Variants in ZFAND5 observed in about 807,000 individuals in gnomAD.
ZFAND5 encodes zinc finger AN1-type containing 5.
ZFAND5 carries 4 observed loss-of-function variants against 23.6 expected under a neutral mutation model. That is an observed-to-expected ratio of 0.17 (90% CI 0.08 to 0.39). The LOEUF is 0.39. ZFAND5 is among the 10% of genes least tolerant of loss of function. The pLI, the probability that ZFAND5 is intolerant of heterozygous loss-of-function variation, is 1.00. For synonymous variants in ZFAND5, 68 were observed against 80.6 expected (o/e 0.84, Z 0.84); for missense variants, 161 against 253.7 (o/e 0.63, Z 2.48).
intron 4 of ZFAND5, 93 bp downstream of exon 4, chr9:72,360,017 C>A (rs1340896545): frequency 1.9e-6 from 2 of 1,069,144 alleles, no homozygotes; most frequent in East Asian, 4.9e-5. Context: ...GATTGCAAAG[C>A]CAAGGGTATC....
intron 5 of ZFAND5, among the ~76,000 whole-genome samples, chr9:72,359,060 A>G (rs538074189): frequency 4.0e-4 from 61 of 152,302 alleles, no homozygotes; most frequent in Middle Eastern, 3.4e-3. Context: ...TTTCCACAAC[A>G]TTGACAATAT....
chr9:72,363,646 T>TA (rs1397677932), intron 1 of ZFAND5, 40 bp from the exon 2 acceptor site: 1 of 984,016 alleles, frequency 1.0e-6, no homozygotes, highest in East Asian at 1.1e-4. Context: ...AAAGAATCCT[T>TA]AATTTTTTAG....
intron 2 of ZFAND5, 25 bp downstream of exon 2, chr9:72,363,445 T>A (rs1160838812): frequency 1.3e-5 from 2 of 159,688 alleles, no homozygotes; most frequent in African/African-American, 4.8e-5. Context: ...CATGATGTGA[T>A]GAGATGGCAT....
intron 5 of ZFAND5, among the ~76,000 whole-genome samples, chr9:72,359,194 G>A (rs1349964294): frequency 6.6e-6 from 1 of 152,158 alleles, no homozygotes; most frequent in African/African-American, 2.4e-5. Context: ...CACAAGGGTA[G>A]TGCAGGGGAT....
chr9:72,356,367 C>T (rs991006515), intron 6 of ZFAND5, among the ~76,000 whole-genome samples: 6 of 152,272 alleles, frequency 3.9e-5, no homozygotes, highest in East Asian at 1.9e-4. Flanking sequence ...AGGGCAATAG[C>T]GAAGTGTTTG....
Position 72,353,342 on chromosome 9 carries a change from TTAA to T in ZFAND5, c.*2608_*2610del, listed in dbSNP as rs1347642852. On this transcript the variant is annotated 3_prime_UTR_variant, in exon 7 of 7. Coordinates refer to ENST00000376962, the MANE Select transcript of ZFAND5 (RefSeq NM_001102420.3). The stretch of plus-strand genomic sequence containing the variant: ...TGACAAATCTTTGTTCTGATCTGGT[TTAA>T]TGTTTCTTGTAAAACAAACAAACAA... 1 of 152,088 alleles carries T rather than the reference TTAA, an allele frequency of 6.6e-6. No homozygotes were observed. Among genetic ancestry groups the T allele is most frequent in the South Asian group, 2.1e-4 (1 of 4,820 alleles). 9.4% of individuals were successfully genotyped at this position (152,088 alleles called of 1,614,324 possible). A position where few individuals can be genotyped will look rare whatever the true frequency, so the allele number is the denominator to read the frequency against.
Position 72,355,313 on chromosome 9 carries a change from T to C in ZFAND5, c.*640A>G, listed in dbSNP as rs1841912783. On this transcript the variant is annotated 3_prime_UTR_variant, in exon 7 of 7. Transcript: ENST00000376962. ...AAAGGTTATCTCAAGACCCTGTTGTTGGCTTGATGGTTTTACTTATAACCA... is the reference window on the plus strand; with the variant it reads ...AAAGGTTATCTCAAGACCCTGTTGTCGGCTTGATGGTTTTACTTATAACCA... 6.5e-6 allele frequency: 1 copy of C among 152,680 alleles called. No homozygotes were observed. Among genetic ancestry groups the C allele is most frequent in the South Asian group, 2.1e-4 (1 of 4,830 alleles). The allele number at this position is 152,680 out of a possible 1,614,324, so 9.5% of individuals were successfully genotyped here.
chr9:72,360,820 T>C, intron 2 of ZFAND5, 33 bp from the exon 3 acceptor site: 1 of 1,563,572 alleles, frequency 6.4e-7, no homozygotes, highest in Non-Finnish European at 8.7e-7. Flanking sequence ...GAAATTAGTG[T>C]TATCACCAAA....
rs745962932 is a variant in ZFAND5 at position 72,360,790 on chromosome 9, A to G, written c.-9-3T>C. 3.1e-6 allele frequency: 5 copies of G among 1,587,584 alleles called. No homozygotes were observed. Among genetic ancestry groups the G allele is most frequent in the South Asian group, 1.1e-5 (1 of 88,150 alleles). ...GTCTCCTGAGCCATATTTTTCTGCT[A>G]TAGATGAAACGAAATTTCAGAAATT... is the stretch of plus-strand genomic sequence containing the variant. On this transcript the variant is annotated splice_polypyrimidine_tract_variant and splice_region_variant and intron_variant, in intron 2 of 6. Coordinates refer to ENST00000376962, the MANE Select transcript of ZFAND5 (RefSeq NM_001102420.3).
chr9:72,359,671 C>G, intron 4 of ZFAND5, 150 bp from the exon 5 acceptor site: 7 of 740,278 alleles, frequency 9.5e-6, no homozygotes, highest in Non-Finnish European at 1.4e-5. Context: ...AAATTGGATG[C>G]CCAGCACAAA....
chr9:72,364,101 T>C (rs1175166375), intron 1 of ZFAND5: 3 of 151,680 alleles, frequency 2.0e-5, no homozygotes, highest in Admixed American at 6.6e-5. Context: ...CATGTTCCAA[T>C]GGATTTTGGA....
intron 3 of ZFAND5, 53 bp downstream of exon 3, chr9:72,360,575 G>A (rs1842069961): frequency 6.2e-7 from 1 of 1,608,046 alleles, no homozygotes. Context: ...TCTTGGTTCT[G>A]TATTTCTGTC....
At chr9:72,359,270 C>A in intron 5 of ZFAND5, 148 bp downstream of exon 5, 1 of 669,052 alleles carries the variant, frequency 1.5e-6, no homozygotes, top group Non-Finnish European at 2.5e-6. Context: ...ACTCAAGATA[C>A]TTTTAAAGAT....
At position 72,353,388 on chromosome 9, in the gene ZFAND5, C is replaced by A. The variant is rs1422537505; in HGVS notation, c.*2565G>T. ...ACAAACAAAAAAAAAACAAAAAAAA[C>A]TGATTGGCCGGGTGCGGTGCCTCAC... On this transcript the variant is annotated 3_prime_UTR_variant, in exon 7 of 7. Coordinates refer to ENST00000376962, the MANE Select transcript of ZFAND5 (RefSeq NM_001102420.3). 4 of 151,970 alleles carry A rather than the reference C, an allele frequency of 2.6e-5. No homozygotes were observed. Among genetic ancestry groups the A allele is most frequent in the African/African-American group, 4.8e-5 (2 of 41,374 alleles). 9.4% of individuals were successfully genotyped at this position (151,970 alleles called of 1,614,324 possible). A position where few individuals can be genotyped will look rare whatever the true frequency, so the allele number is the denominator to read the frequency against.
rs1342280918 is a variant in ZFAND5, at chr9:72,354,596, T to C, written c.*1357A>G. ...TAACTCAGAACTAAGGTACATAAAA[T>C]TGAAAGCAAAACTGAATGCTTTAAG... On this transcript the variant is annotated 3_prime_UTR_variant, in exon 7 of 7. Transcript: ENST00000376962. 2.0e-5 allele frequency: 3 copies of C among 152,608 alleles called. No individual in the cohort carries two copies. Among genetic ancestry groups the C allele is most frequent in the Non-Finnish European group, 4.4e-5 (3 of 68,032 alleles). 9.5% of individuals were successfully genotyped at this position (152,608 alleles called of 1,614,324 possible).
intron 6 of ZFAND5, among the ~76,000 whole-genome samples, chr9:72,356,679 T>C (rs1381763070): frequency 1.3e-5 from 2 of 152,166 alleles, no homozygotes; most frequent in African/African-American, 4.8e-5. Context: ...TCCCTAGGTA[T>C]ACAAAAACTT....
chr9:72,357,438 C>T (rs1841975306), intron 5 of ZFAND5, among the ~76,000 whole-genome samples: 1 of 152,098 alleles, frequency 6.6e-6, no homozygotes, highest in African/African-American at 2.4e-5. Flanking sequence ...TCAATCAGGG[C>T]AGTTCAAATT....
At chr9:72,360,977 C>CAAA (rs71357559) in intron 2 of ZFAND5, among the ~76,000 whole-genome samples, 190 bp from the exon 3 acceptor site, 3 of 149,618 alleles carry the variant, frequency 2.0e-5, no homozygotes, top group Admixed American at 2.0e-4. Flanking sequence ...GTTTTAGGAC[C>CAAA]AAAAAAAAAC....
chr9:72,364,861 C>G lies in ZFAND5; in HGVS notation c.-312G>C, dbSNP rs1343807815. 3.2e-5 allele frequency: 5 copies of G among 156,230 alleles called. No individual in the cohort carries two copies. Among genetic ancestry groups the G allele is most frequent in the Admixed American group, 2.0e-4 (3 of 15,286 alleles). 9.7% of individuals were successfully genotyped at this position (156,230 alleles called of 1,614,324 possible). A position where few individuals can be genotyped will look rare whatever the true frequency, so the allele number is the denominator to read the frequency against. ...GGTGGCGCCGCCGCCGCCGCGGGGT[C>G]TTCCTTTGTTCCTGCAGCAGCGTCG... On this transcript the variant is annotated 5_prime_UTR_variant, in exon 1 of 7. Transcript: ENST00000376962.
Sources: allele counts gnomAD v4.1 joint callset (sites outside exome capture counted in the v4.1 genomes callset), GRCh38; gene constraint gnomAD v4.1.1; transcripts MANE v1.5; gene names NCBI Gene and HGNC (gene_info 2026-07-23, HGNC 2026-07-21).